The following UGCG variants were observed in gnomAD, a reference collection of about 807,000 sequenced individuals.
UGCG encodes UDP-glucose ceramide glucosyltransferase, also known as ceramide glucosyltransferase.
In UGCG, 10 loss-of-function variants were observed where a neutral mutation model predicts 49.5. That is an observed-to-expected ratio of 0.20 (90% CI 0.12 to 0.34). UGCG has a LOEUF of 0.34. Ranked by LOEUF, UGCG falls within the 10% of genes least tolerant of loss-of-function variation. The pLI, the probability that UGCG is intolerant of heterozygous loss-of-function variation, is 1.00. For synonymous variants in UGCG, 182 were observed against 158.2 expected (o/e 1.15, Z -1.13); for missense variants, 312 against 483.7 (o/e 0.65, Z 3.33).
chr9:111,929,412 A>T, intron 5 of UGCG, 88 bp from the exon 6 acceptor site: 1 of 1,366,990 alleles, frequency 7.3e-7, no homozygotes, highest in Non-Finnish European at 9.9e-7. Context: ...AATCATACTT[A>T]TAAAAAAACC....
chr9:111,924,792 G>T lies in UGCG; in HGVS notation c.359G>T (p.Gly120Val). 1 of 1,525,730 alleles carries T rather than the reference G, an allele frequency of 6.6e-7. No homozygotes were observed. The highest frequency in any genetic ancestry group is 8.7e-7 in the Non-Finnish European group (1 of 1,143,764). The allele number at this position is 1,525,730 out of a possible 1,614,324, so 94.5% of individuals were successfully genotyped here. A position where few individuals can be genotyped will look rare whatever the true frequency, so the allele number is the denominator to read the frequency against. Reference protein sequence around the residue: ...ARLFIGGKKVGINPKINNLMP... With the variant: ...ARLFIGGKKVVINPKINNLMP... ...ACATTTTTAGGTGGCAAAAAAGTTG[G>T]CATTAATCCTAAAATTAATAATTTA... The change falls in exon 4 of 9, where the codon GGC becomes GTC. Residue 120 changes from glycine to valine, a missense_variant. By Grantham distance (109) the Gly-to-Val change is moderately radical. This residue lies in a region of UGCG where 64 missense variants were observed against 67.6 expected (regional missense o/e 0.95). Transcript: ENST00000374279.
chr9:111,913,591 C>T (rs1838058093), intron 1 of UGCG, among the ~76,000 whole-genome samples: 1 of 137,448 alleles, frequency 7.3e-6, no homozygotes, highest in Admixed American at 8.1e-5. Context: ...CACCACCACG[C>T]CCAGCTAATT....
chr9:111,933,165 A>AG lies in UGCG; in HGVS notation c.*168_*169insG. On this transcript the variant is annotated 3_prime_UTR_variant, in exon 9 of 9. Coordinates refer to ENST00000374279, the MANE Select transcript of UGCG (RefSeq NM_003358.3). The stretch of plus-strand genomic sequence containing the variant: ...CTTGCATCTGTGAAAAAAAAAAAAA[A>AG]CACATCTGTAGTCTTGGCCAAATGA... 1 of 565,578 alleles carries AG rather than the reference A, an allele frequency of 1.8e-6. No individual in the cohort carries two copies. Among genetic ancestry groups the AG allele is most frequent in the Non-Finnish European group, 2.6e-6 (1 of 387,588 alleles). 35.0% of individuals were successfully genotyped at this position (565,578 alleles called of 1,614,324 possible). A position where few individuals can be genotyped will look rare whatever the true frequency, so the allele number is the denominator to read the frequency against.
chr9:111,897,080 C>G lies in UGCG; in HGVS notation c.-136C>G, dbSNP rs1040820383. 1.8e-6 allele frequency: 1 copy of G among 571,372 alleles called. No individual in the cohort carries two copies. Among genetic ancestry groups the G allele is most frequent in the Non-Finnish European group, 2.9e-6 (1 of 342,654 alleles). The allele number at this position is 571,372 out of a possible 1,614,324, so 35.4% of individuals were successfully genotyped here. A position where few individuals can be genotyped will look rare whatever the true frequency, so the allele number is the denominator to read the frequency against. On this transcript the variant is annotated 5_prime_UTR_variant, in exon 1 of 9. Transcript: ENST00000374279. ...TGCCCGCCCCTTCCGTCCCCACCCCCCTCCGCCCTTTCCTCTCCCCACCTT... is the reference window on the plus strand; with the variant it reads ...TGCCCGCCCCTTCCGTCCCCACCCCGCTCCGCCCTTTCCTCTCCCCACCTT...
chr9:111,932,339 A>T lies in UGCG; in HGVS notation c.994A>T (p.Ile332Phe). ...HCLAWFIFDY[I>F]QLRGVQGGTL... ...CCTGGCATGGTTTATATTTGACTAC[A>T]TTCAACTCAGGGGTGTCCAGGTATG... is the stretch of plus-strand genomic sequence containing the variant. Residue 332 changes from isoleucine (I) to phenylalanine (F), a missense_variant, in exon 8 of 9, where the codon ATT becomes TTT. By Grantham distance (21) the Ile-to-Phe change is conservative (BLOSUM62 0). This residue lies in a region of UGCG where 180 missense variants were observed against 320.4 expected (regional missense o/e 0.56). Transcript: ENST00000374279. 1 of 1,614,078 alleles carries T rather than the reference A, an allele frequency of 6.2e-7. No homozygotes were observed. Among genetic ancestry groups the T allele is most frequent in the Non-Finnish European group, 8.5e-7 (1 of 1,180,006 alleles).
chr9:111,899,810 GT>G (rs1316164925), intron 1 of UGCG, among the ~76,000 whole-genome samples: 3 of 151,952 alleles, frequency 2.0e-5, no homozygotes, highest in African/African-American at 7.3e-5. Context: ...CCTAATTATA[GT>G]TTCTTCTAAA....
Position 111,927,672 on chromosome 9 carries a change from C to T in UGCG, c.558+1176C>T, listed in dbSNP as rs141358603. On this transcript the variant is annotated intron_variant, in intron 5 of 8. Coordinates refer to ENST00000374279, the MANE Select transcript of UGCG (RefSeq NM_003358.3). ...TTCACCGTGTTAGCCAGGATGGTCTCGATCTCCTGACCTCGTGATCCACCC... is the reference window on the plus strand; with the variant it reads ...TTCACCGTGTTAGCCAGGATGGTCTTGATCTCCTGACCTCGTGATCCACCC... Among the ~76,000 whole-genome samples, 1,086 of 152,128 alleles carry T rather than the reference C, an allele frequency of 7.1e-3. 18 individuals carry two copies. The highest frequency in any genetic ancestry group is 0.025 in the African/African-American group (1,024 of 41,504).
In UGCG at chr9:111,932,915, T is replaced by C; in HGVS notation, c.1103T>C (p.Leu368Ser). ...SMTIYIFLSA[L>S]WDPTISWRTG... ...ACAATATACATTTTTTTGTCTGCATTATGGGACCCAACTATAAGCTGGAGA... is the reference window on the plus strand; with the variant it reads ...ACAATATACATTTTTTTGTCTGCATCATGGGACCCAACTATAAGCTGGAGA... Residue 368 changes from leucine (L) to serine (S), a missense_variant, in exon 9 of 9, where the codon TTA (leucine) becomes TCA (serine). This residue lies in a region of UGCG where 180 missense variants were observed against 320.4 expected (regional missense o/e 0.56). Transcript: ENST00000374279. The C allele has an allele frequency of 6.2e-7, 1 of 1,613,310 alleles. No homozygotes were observed. Among genetic ancestry groups the C allele is most frequent in the Non-Finnish European group, 8.5e-7 (1 of 1,179,566 alleles).
chr9:111,915,608 C>T (rs949830068), intron 2 of UGCG, among the ~76,000 whole-genome samples: 1 of 152,128 alleles, frequency 6.6e-6, no homozygotes, highest in Non-Finnish European at 1.5e-5. Flanking sequence ...ACCCTATTGC[C>T]TCAGTTTTTC....
chr9:111,916,288 T>C (rs1564201362), intron 2 of UGCG, among the ~76,000 whole-genome samples: 1 of 152,204 alleles, frequency 6.6e-6, no homozygotes, highest in Non-Finnish European at 1.5e-5. Flanking sequence ...ATATGCATTA[T>C]CATTGTGAAA....
At chr9:111,912,711 C>T (rs553326883) in intron 1 of UGCG, among the ~76,000 whole-genome samples, 12 of 152,278 alleles carry the variant, frequency 7.9e-5, no homozygotes, top group Admixed American at 7.8e-4. Context: ...TAAAAGGTTT[C>T]ACTCAATTGT....
rs1837680142 is a variant in UGCG at position 111,897,233 on chromosome 9, G to A, written c.18G>A (p.Leu6=). The A allele has an allele frequency of 1.9e-6, 3 of 1,550,912 alleles. No individual in the cohort carries two copies. The highest frequency in any genetic ancestry group is 1.7e-6 in the Non-Finnish European group (2 of 1,148,548). Residue 6 remains leucine, a synonymous_variant, in exon 1 of 9, where the codon CTG becomes CTA. Coordinates refer to ENST00000374279, the MANE Select transcript of UGCG (RefSeq NM_003358.3). Reference sequence around the variant, plus strand: ...GCCGGGGGATGGCGCTGCTGGACCTGGCCTTGGAGGGAATGGCCGTCTTCG... The same window carrying A: ...GCCGGGGGATGGCGCTGCTGGACCTAGCCTTGGAGGGAATGGCCGTCTTCG... The part of the protein sequence containing the change: MALLD[L]ALEGMAVFGF...
At chr9:111,901,881 A>G (rs1470202238) in intron 1 of UGCG, among the ~76,000 whole-genome samples, 1 of 152,062 alleles carries the variant, frequency 6.6e-6, no homozygotes, top group African/African-American at 2.4e-5. Flanking sequence ...CCTCGATTTT[A>G]TATTTCTTAT....
intron 5 of UGCG, among the ~76,000 whole-genome samples, chr9:111,926,836 G>A (rs112412051): frequency 5.2e-5 from 7 of 134,208 alleles, no homozygotes; most frequent in African/African-American, 1.9e-4. Context: ...GATCTGAAAA[G>A]AACCGCTGGC....
chr9:111,914,534 T>C, intron 1 of UGCG, 71 bp from the exon 2 acceptor site: 1 of 1,440,474 alleles, frequency 6.9e-7, no homozygotes, highest in Non-Finnish European at 9.5e-7. Context: ...GATTTATTGA[T>C]AGCTTGTCAG....
chr9:111,907,771 C>T (rs113053955), intron 1 of UGCG, among the ~76,000 whole-genome samples: 5 of 152,034 alleles, frequency 3.3e-5, no homozygotes, highest in South Asian at 2.1e-4. Context: ...ATTACAGGCA[C>T]GTGAGGCCAC....
intron 2 of UGCG, among the ~76,000 whole-genome samples, chr9:111,917,652 A>G (rs919799786): frequency 1.3e-5 from 2 of 152,262 alleles, no homozygotes; most frequent in African/African-American, 4.8e-5. Context: ...ATGTGCAAGA[A>G]AATTTACTGC....
chr9:111,917,450 G>C (rs1212654255), intron 2 of UGCG, among the ~76,000 whole-genome samples: 1 of 152,130 alleles, frequency 6.6e-6, no homozygotes, highest in Admixed American at 6.5e-5. Context: ...AAACATTTAC[G>C]TGACTGCCAG....
chr9:111,932,103 GA>G lies in UGCG; in HGVS notation c.825-57del, dbSNP rs762334738. 6,668 of 1,286,962 alleles carry G rather than the reference GA, an allele frequency of 5.2e-3. 1 individual carries two copies. The highest frequency in any genetic ancestry group is 8.1e-3 in the South Asian group (532 of 65,420). The allele number at this position is 1,286,962 out of a possible 1,614,324, so 79.7% of individuals were successfully genotyped here. A position where few individuals can be genotyped will look rare whatever the true frequency, so the allele number is the denominator to read the frequency against. On this transcript the variant is annotated intron_variant, in intron 7 of 8. Transcript: ENST00000374279. ...GGGTAAAAAAATTGATTATTTGAGG[GA>G]AAAAAAAAAGGATTTGTCTTGTAGC...
Sources: allele counts gnomAD v4.1 joint callset (sites outside exome capture counted in the v4.1 genomes callset), GRCh38; gene constraint gnomAD v4.1.1; regional missense constraint gnomAD v4.1.1; transcripts MANE v1.5; gene names NCBI Gene and HGNC (gene_info 2026-07-23, HGNC 2026-07-21).